The following TANC2 variants were observed in gnomAD, a reference collection of about 807,000 sequenced individuals.
TANC2 encodes the protein tetratricopeptide repeat, ankyrin repeat and coiled-coil containing 2, also known as protein TANC2.
TANC2 carries 26 observed loss-of-function variants against 210.5 expected under a neutral mutation model. The observed-to-expected ratio is 0.12, with a 90% CI of 0.09 to 0.17. TANC2 has a LOEUF of 0.17. Ranked by LOEUF, TANC2 falls within the 10% of genes least tolerant of loss-of-function variation. TANC2 has a pLI of 1.00. For synonymous variants in TANC2, 931 were observed against 967.1 expected, an observed-to-expected ratio of 0.96 and a Z score of 0.69; for missense variants, 2,129 against 2,608.9, an observed-to-expected ratio of 0.82 and a Z score of 4.01.
intron 11 of TANC2, among the ~76,000 whole-genome samples, chr17:63,336,912 A>T (rs1285497680): frequency 1.3e-5 from 2 of 152,214 alleles, no homozygotes; most frequent in African/African-American, 4.8e-5. Flanking sequence ...ATGTATGATG[A>T]CTTTCTCAAA....
At chr17:63,264,634 T>C (rs1239341183) in intron 8 of TANC2, among the ~76,000 whole-genome samples, 6 of 152,192 alleles carry the variant, frequency 3.9e-5, no homozygotes, top group African/African-American at 1.4e-4. Context: ...AAAAGATTTC[T>C]CAACTTTTTG....
Position 63,412,235 on chromosome 17 carries a change from C to T in TANC2, c.3898+105C>T, listed in dbSNP as rs749290945. 5.5e-6 allele frequency: 8 copies of T among 1,460,722 alleles called. No homozygotes were observed. Among genetic ancestry groups the T allele is most frequent in the Non-Finnish European group, 7.4e-6 (8 of 1,075,024 alleles). 90.5% of individuals were successfully genotyped at this position (1,460,722 alleles called of 1,614,324 possible). The stretch of plus-strand genomic sequence containing the variant: ...GGTGTGAGTGTATATAGTTCCCCCT[C>T]CTCCCTGGCCCAATTATTGTCCAAG... On this transcript the variant is annotated intron_variant, in intron 23 of 27. Coordinates refer to ENST00000689528, the Ensembl canonical transcript of TANC2. This position sits in a 1 kb window ranked among gnomAD's most constrained non-coding sequence, Gnocchi z 4.2.
intron 13 of TANC2, among the ~76,000 whole-genome samples, chr17:63,351,862 T>C (rs932861325): frequency 6.6e-6 from 1 of 152,148 alleles, no homozygotes; most frequent in African/African-American, 2.4e-5. Flanking sequence ...ATATGGACTT[T>C]CCTCTATATC....
rs369166403 is a variant in TANC2, at chr17:63,420,907, G to T, written c.5177G>T (p.Ser1726Ile). 15 of 1,613,920 alleles carry T rather than the reference G, an allele frequency of 9.3e-6. No homozygotes were observed. The highest frequency in any genetic ancestry group is 1.3e-5 in the African/African-American group (1 of 74,948). Residue 1726 changes from serine (S) to isoleucine (I), a missense_variant, in exon 28 of 28, where the codon AGT becomes ATT. By Grantham distance (142) the Ser-to-Ile change is moderately radical. This residue lies in a region of TANC2 where 584 missense variants were observed against 627.3 expected (regional missense o/e 0.93). Coordinates refer to ENST00000689528, the Ensembl canonical transcript of TANC2. The surrounding 1 kb of genome is among the most constrained non-coding windows in gnomAD (Gnocchi z 4.2). The stretch of plus-strand genomic sequence containing the variant: ...GGCCAAGTAGCCCATTCAATGGCCA[G>T]TAAATACCAGTCTTCACAAGGAGAC...
At chr17:63,028,471 A>G (rs1010733715) in intron 2 of TANC2, among the ~76,000 whole-genome samples, 2 of 152,116 alleles carry the variant, frequency 1.3e-5, no homozygotes, top group Admixed American at 1.3e-4. Context: ...AAAAACATAA[A>G]AAGACACAGG....
exon 11 of TANC2, chr17:63,318,957 A>T: frequency 1.9e-6 from 3 of 1,612,676 alleles, no homozygotes; most frequent in Non-Finnish European, 1.7e-6. Flanking sequence ...TTTAATCCAG[A>T]TGTGGATGCC....
intron 9 of TANC2, among the ~76,000 whole-genome samples, chr17:63,293,520 C>A (rs893721509): frequency 6.6e-6 from 1 of 152,152 alleles, no homozygotes; most frequent in African/African-American, 2.4e-5. Context: ...TTCTGCCAGT[C>A]CTGTGACTGA....
At chr17:63,068,880 C>T (rs532109379) in intron 2 of TANC2, among the ~76,000 whole-genome samples, 21 of 152,130 alleles carry the variant, frequency 1.4e-4, no homozygotes, top group South Asian at 6.2e-4. Context: ...ATTACACTTA[C>T]GTAATATAAA....
intron 4 of TANC2, among the ~76,000 whole-genome samples, chr17:63,118,085 C>T (rs1400156398): frequency 6.6e-6 from 1 of 152,074 alleles, no homozygotes; most frequent in African/African-American, 2.4e-5. Flanking sequence ...GATTGCAATT[C>T]CAGAATAGAG....
intron 9 of TANC2, among the ~76,000 whole-genome samples, chr17:63,306,472 C>T (rs965570655): frequency 6.6e-6 from 1 of 152,122 alleles, no homozygotes; most frequent in Non-Finnish European, 1.5e-5. Context: ...TTACTATGTA[C>T]CCCAGACTAT....
intron 9 of TANC2, chr17:63,313,580 A>G (rs1417845582): frequency 6.6e-6 from 1 of 152,200 alleles, no homozygotes; most frequent in Non-Finnish European, 1.5e-5. Context: ...CCCAAGAGAG[A>G]TGTATAAGCC....
chr17:63,377,203 G>C (rs1404589708), intron 14 of TANC2, among the ~76,000 whole-genome samples: 1 of 152,172 alleles, frequency 6.6e-6, no homozygotes, highest in Non-Finnish European at 1.5e-5. Context: ...CCTTCAACGT[G>C]CCCTGGAGAC....
intron 9 of TANC2, among the ~76,000 whole-genome samples, chr17:63,289,964 GA>G (rs2044337460): frequency 6.6e-6 from 1 of 152,094 alleles, no homozygotes; most frequent in South Asian, 2.1e-4. Context: ...AGTGGGAGAG[GA>G]GGACTAGAGT....
chr17:63,074,318 ATTTG>A (rs1166830851), intron 3 of TANC2, among the ~76,000 whole-genome samples: 1 of 152,108 alleles, frequency 6.6e-6, no homozygotes, highest in Non-Finnish European at 1.5e-5. Flanking sequence ...CAACACCAAC[ATTTG>A]TTGGAGTATC....
rs564403361 is a variant in TANC2 at position 63,088,862 on chromosome 17, A to C, written c.140-10313A>C. On this transcript the variant is annotated intron_variant, in intron 3 of 27. Coordinates refer to ENST00000689528, the Ensembl canonical transcript of TANC2. ...CATGTCTCTGAAGGGAATAACGGTTACCGAAGGCTTTTGTAGAGTCTTTAC... is the reference window on the plus strand; with the variant it reads ...CATGTCTCTGAAGGGAATAACGGTTCCCGAAGGCTTTTGTAGAGTCTTTAC... The C allele has an allele frequency of 2.0e-5, 3 of 152,206 alleles. No individual in the cohort carries two copies. The East Asian group carries it at 5.8e-4, about 29-fold the overall frequency. 9.4% of individuals were successfully genotyped at this position (152,206 alleles called of 1,614,324 possible). A position where few individuals can be genotyped will look rare whatever the true frequency, so the allele number is the denominator to read the frequency against.
At chr17:63,179,756 C>CT (rs1383450435) in intron 5 of TANC2, among the ~76,000 whole-genome samples, 1 of 152,236 alleles carries the variant, frequency 6.6e-6, no homozygotes, top group East Asian at 1.9e-4. Context: ...ACACCCTCCT[C>CT]TAAGAATCCT....
chr17:63,079,456 G>A (rs935359186), intron 3 of TANC2, among the ~76,000 whole-genome samples: 1 of 152,158 alleles, frequency 6.6e-6, no homozygotes, highest in African/African-American at 2.4e-5. Context: ...AGGATTTTCA[G>A]TTATATTCAG....
intron 3 of TANC2, among the ~76,000 whole-genome samples, chr17:63,097,618 A>G (rs1404401161): frequency 6.6e-6 from 1 of 152,092 alleles, no homozygotes; most frequent in Non-Finnish European, 1.5e-5. Context: ...AGTTTATAAA[A>G]TTTGATTTGG....
intron 2 of TANC2, among the ~76,000 whole-genome samples, chr17:63,017,084 C>T (rs376017650): frequency 8.5e-5 from 13 of 152,134 alleles, no homozygotes; most frequent in Non-Finnish European, 2.9e-5. Context: ...GGTTGTTGAT[C>T]CATTTGGAGT....
Sources: allele counts gnomAD v4.1 joint callset (sites outside exome capture counted in the v4.1 genomes callset), GRCh38; gene constraint gnomAD v4.1.1; regional missense constraint gnomAD v4.1.1; non-coding constraint Gnocchi (gnomAD v3.1); transcripts MANE v1.5; gene names NCBI Gene and HGNC (gene_info 2026-07-23, HGNC 2026-07-21).